Variants in C16orf74 observed in about 807,000 individuals in gnomAD.
C16orf74 encodes the protein calcimembrin, also known as uncharacterized protein C16orf74.
Under a neutral mutation model 6.5 loss-of-function variants are expected in C16orf74, and 10 were observed. That is an observed-to-expected ratio of 1.54 (90% CI 0.95 to 2.61). C16orf74 has a LOEUF of 2.61. C16orf74 is among the 30% of genes most tolerant of loss of function. C16orf74 has a pLI of 0.00. For missense variants in C16orf74, 141 were observed against 105.9 expected (o/e 1.33, Z -1.45); for synonymous variants, 60 against 42.5 (o/e 1.41, Z -1.60).
intron 1 of C16orf74, among the ~76,000 whole-genome samples, chr16:85,741,084 A>C (rs1359989295): frequency 6.6e-6 from 1 of 152,242 alleles, no homozygotes; most frequent in East Asian, 1.9e-4. Context: ...AAGGAAAGAA[A>C]GGCAACATCC....
At chr16:85,717,617 C>T (rs567410629) in intron 2 of C16orf74, among the ~76,000 whole-genome samples, 12 of 152,312 alleles carry the variant, frequency 7.9e-5, no homozygotes, top group African/African-American at 2.4e-4. Context: ...GCCGCCTCTC[C>T]GCTGAGACCA....
intron 2 of C16orf74, among the ~76,000 whole-genome samples, chr16:85,711,381 G>A (rs2053968199): frequency 6.8e-6 from 1 of 148,058 alleles, no homozygotes; most frequent in African/African-American, 2.5e-5. Flanking sequence ...TTGGAAGGCT[G>A]AAGTGGGCAG....
chr16:85,715,567 C>T (rs2054014923), intron 2 of C16orf74, among the ~76,000 whole-genome samples: 1 of 152,200 alleles, frequency 6.6e-6, no homozygotes, highest in Admixed American at 6.5e-5. Flanking sequence ...TATTTGATCT[C>T]TGTGGGCCAC....
chr16:85,747,931 CA>C (rs1046511364), intron 1 of C16orf74, among the ~76,000 whole-genome samples: 1 of 151,632 alleles, frequency 6.6e-6, no homozygotes, highest in African/African-American at 2.4e-5. Flanking sequence ...ACTAAAAATA[CA>C]AAAAAATTAG....
chr16:85,713,637 C>A (rs1324955391), intron 2 of C16orf74, among the ~76,000 whole-genome samples: 1 of 152,222 alleles, frequency 6.6e-6, no homozygotes, highest in Non-Finnish European at 1.5e-5. Flanking sequence ...ACTAAAATGA[C>A]CTCATCTTAA....
At chr16:85,734,136 AAAGCCCT>A (rs1598800279) in intron 2 of C16orf74, among the ~76,000 whole-genome samples, 1 of 152,120 alleles carries the variant, frequency 6.6e-6, no homozygotes, top group East Asian at 1.9e-4. Context: ...CTTGCATCTA[AAAGCCCT>A]AAGCCTGCCT....
intron 1 of C16orf74, among the ~76,000 whole-genome samples, chr16:85,750,516 G>C (rs879544509): frequency 1.3e-5 from 2 of 152,222 alleles, no homozygotes; most frequent in African/African-American, 4.8e-5. Flanking sequence ...ACTCGATAGA[G>C]TGGAAATGGT....
intron 1 of C16orf74, among the ~76,000 whole-genome samples, chr16:85,747,116 TCA>T (rs1317897824): frequency 1.3e-5 from 2 of 152,140 alleles, no homozygotes; most frequent in African/African-American, 2.4e-5. Context: ...GCCGTGTGAC[TCA>T]CAGCAAAATA....
chr16:85,741,406 G>T (rs1396793982), intron 1 of C16orf74, among the ~76,000 whole-genome samples: 2 of 152,132 alleles, frequency 1.3e-5, no homozygotes, highest in Non-Finnish European at 2.9e-5. Context: ...GGCAGGGAGG[G>T]AAGGAGGGAA....
chr16:85,709,305 G>T (rs1461396040), intron 3 of C16orf74, among the ~76,000 whole-genome samples: 1 of 152,176 alleles, frequency 6.6e-6, no homozygotes, highest in Non-Finnish European at 1.5e-5. Context: ...AGTGAGCTGA[G>T]AGTGCACCAC....
chr16:85,742,329 T>C (rs764110420), intron 1 of C16orf74, among the ~76,000 whole-genome samples: 27 of 151,672 alleles, frequency 1.8e-4, no homozygotes, highest in Non-Finnish European at 2.9e-4. Flanking sequence ...GCCGAGATCA[T>C]GCCACTGCAC....
At chr16:85,722,835 A>G (rs966094243) in intron 2 of C16orf74, among the ~76,000 whole-genome samples, 10 of 152,222 alleles carry the variant, frequency 6.6e-5, no homozygotes, top group African/African-American at 2.2e-4. Flanking sequence ...ATGAACGCCT[A>G]TGTGCACCAG....
At chr16:85,728,918 C>T (rs767349183) in intron 2 of C16orf74, among the ~76,000 whole-genome samples, 1 of 152,208 alleles carries the variant, frequency 6.6e-6, no homozygotes, top group East Asian at 1.9e-4. Flanking sequence ...GGAATCCCCC[C>T]GGAGGATGTG....
chr16:85,711,943 G>A (rs963778019), intron 2 of C16orf74, among the ~76,000 whole-genome samples: 2 of 152,186 alleles, frequency 1.3e-5, no homozygotes, highest in Admixed American at 1.3e-4. Flanking sequence ...AAGCCCTTGA[G>A]TGTGGATGGA....
At chr16:85,716,037 C>T (rs567538724) in intron 2 of C16orf74, among the ~76,000 whole-genome samples, 3 of 150,154 alleles carry the variant, frequency 2.0e-5, no homozygotes, top group Admixed American at 6.6e-5. Flanking sequence ...CAAAAGGAAT[C>T]GCTGATGATC....
In C16orf74 at chr16:85,750,957, CGCGCCCGAG is replaced by C. The variant is rs1251134259; in HGVS notation, c.-59_-51del. 1 of 150,844 alleles carries C rather than the reference CGCGCCCGAG, an allele frequency of 6.6e-6. No homozygotes were observed. The highest frequency in any genetic ancestry group is 1.5e-5 in the Non-Finnish European group (1 of 67,672). 9.3% of individuals were successfully genotyped at this position (150,844 alleles called of 1,614,324 possible). ...CTTCTTGGTGGGCTCACTGCGGAGC[CGCGCCCGAG>C]GCGCGCGAGGCCCGCCCGGGCGCTG... is the stretch of plus-strand genomic sequence containing the variant. On this transcript the variant is annotated 5_prime_UTR_variant, in exon 1 of 4. Coordinates refer to ENST00000284245, the MANE Select transcript of C16orf74 (RefSeq NM_206967.3).
At chr16:85,739,594 G>C (rs539706031) in intron 1 of C16orf74, among the ~76,000 whole-genome samples, 1 of 152,144 alleles carries the variant, frequency 6.6e-6, no homozygotes, top group Non-Finnish European at 1.5e-5. Context: ...TGTTTGAAAA[G>C]TAATGACCAG....
chr16:85,723,284 C>G (rs2054100959), intron 2 of C16orf74, among the ~76,000 whole-genome samples: 2 of 141,488 alleles, frequency 1.4e-5, no homozygotes, highest in Non-Finnish European at 3.1e-5. Context: ...AAAAAAAGGC[C>G]AGGTGCAGTG....
intron 1 of C16orf74, among the ~76,000 whole-genome samples, chr16:85,738,343 G>C (rs1418435830): frequency 1.3e-5 from 1 of 77,874 alleles, no homozygotes; most frequent in South Asian, 3.9e-4. Flanking sequence ...TTTTTTTTTT[G>C]AGACAGAGTC....
Sources: allele counts gnomAD v4.1 joint callset (sites outside exome capture counted in the v4.1 genomes callset), GRCh38; gene constraint gnomAD v4.1.1; transcripts MANE v1.5; gene names NCBI Gene and HGNC (gene_info 2026-07-23, HGNC 2026-07-21).